GAK: variants seen among roughly 807,000 people sequenced by gnomAD.
GAK encodes the protein cyclin-G-associated kinase.
Under a neutral mutation model 143.9 loss-of-function variants are expected in GAK, and 79 were observed. The observed-to-expected ratio is 0.55, with a 90% CI of 0.46 to 0.66. The LOEUF is 0.66. Ranked by LOEUF, GAK falls within the 30% of genes least tolerant of loss-of-function variation. GAK has a pLI of 0.00. For synonymous variants in GAK, 881 were observed against 765.5 expected (o/e 1.15, Z -2.49); for missense variants, 1,693 against 1,779.7 (o/e 0.95, Z 0.88).
intron 11 of GAK, among the ~76,000 whole-genome samples, chr4:885,517 C>A (rs1716140222): frequency 2.0e-5 from 3 of 152,212 alleles, no homozygotes; most frequent in African/African-American, 7.2e-5. Context: ...ACCCCAGCAG[C>A]CCTGCGGGGG....
intron 22 of GAK, among the ~76,000 whole-genome samples, 175 bp downstream of exon 22, chr4:866,189 T>A (rs1298218665): frequency 6.6e-6 from 1 of 152,184 alleles, no homozygotes; most frequent in Non-Finnish European, 1.5e-5. Flanking sequence ...CAGGGAGCAG[T>A]CTGTCCTGAC....
chr4:881,781 G>T, intron 15 of GAK, 126 bp downstream of exon 15: 1 of 1,202,388 alleles, frequency 8.3e-7, no homozygotes, highest in Non-Finnish European at 1.1e-6. Context: ...CCGCGAGGCC[G>T]GGCCTGCCTT....
intron 1 of GAK, chr4:915,896 C>G (rs1184473882): frequency 6.6e-6 from 1 of 152,056 alleles, no homozygotes; most frequent in South Asian, 2.1e-4. Flanking sequence ...TAAAAGGCAT[C>G]CAGATGAAAA....
intron 7 of GAK, 116 bp downstream of exon 7, chr4:896,343 GA>G: frequency 1.3e-6 from 1 of 743,094 alleles, no homozygotes; most frequent in East Asian, 2.6e-5. Flanking sequence ...GACGGGAGGG[GA>G]AGAGGGGGTG....
At chr4:923,971 G>T (rs886306042) in intron 1 of GAK, among the ~76,000 whole-genome samples, 1 of 152,080 alleles carries the variant, frequency 6.6e-6, no homozygotes, top group African/African-American at 2.4e-5. Flanking sequence ...GGTGACCTGA[G>T]GTCAGGAGTT....
chr4:915,019 G>A (rs1159546350), intron 1 of GAK, among the ~76,000 whole-genome samples: 3 of 68,890 alleles, frequency 4.4e-5, no homozygotes, highest in Non-Finnish European at 8.0e-5. Context: ...CAGCGCACAC[G>A]GCCCCCAACA....
At chr4:918,543 C>T (rs907219711) in intron 1 of GAK, among the ~76,000 whole-genome samples, 1 of 152,222 alleles carries the variant, frequency 6.6e-6, no homozygotes, top group African/African-American at 2.4e-5. Flanking sequence ...GAAAAATGCC[C>T]CAAAACTGAC....
rs138890416 is a variant in GAK, at chr4:851,932, G to A, written c.3326C>T (p.Thr1109Met). ...GCTGCTGCCTTTGGGCGTGGTGGCC[G>A]TTTTGGGAATGAAGCCCCCAGGAGG... ...GFPPGGFIPK[T>M]ATTPKGSSSW... Residue 1109 changes from threonine (T) to methionine (M), a missense_variant, in exon 25 of 28, where the codon ACG becomes ATG. Coordinates refer to ENST00000314167, the MANE Select transcript of GAK (RefSeq NM_005255.4). 9.3e-5 allele frequency: 150 copies of A among 1,613,654 alleles called. 2 individuals are homozygous for A. In the African/African-American group the frequency reaches 1.6e-3, roughly 17 times the overall value.
At chr4:891,025 T>G (rs1717539216) in intron 9 of GAK, among the ~76,000 whole-genome samples, 1 of 151,462 alleles carries the variant, frequency 6.6e-6, no homozygotes, top group Non-Finnish European at 1.5e-5. Flanking sequence ...TGGCACGATC[T>G]CAGCTCACCG....
intron 13 of GAK, 78 bp downstream of exon 13, chr4:883,237 A>C: frequency 1.3e-6 from 2 of 1,535,480 alleles, no homozygotes; most frequent in Non-Finnish European, 1.8e-6. Context: ...ACCCTGGCCA[A>C]AGCCCTCAGC....
At chr4:881,243 C>A (rs758239973) in intron 15 of GAK, among the ~76,000 whole-genome samples, 29 of 152,230 alleles carry the variant, frequency 1.9e-4, no homozygotes, top group Non-Finnish European at 3.1e-4. Flanking sequence ...TGGGCCCTAA[C>A]CCTTGGGGCC....
Position 912,796 on chromosome 4 carries a change from T to G in GAK, c.208-2A>C. Reference sequence around the variant, plus strand: ...TTCCTCTTCATTGGATAATAGCCTCTGTATCAGGAAACAGCACACACAAAA... The same window carrying G: ...TTCCTCTTCATTGGATAATAGCCTCGGTATCAGGAAACAGCACACACAAAA... On this transcript the variant is annotated splice_acceptor_variant, in intron 2 of 27. Transcript: ENST00000314167. LOFTEE classifies it high-confidence loss of function. The G allele has an allele frequency of 1.9e-6, 3 of 1,612,778 alleles. No homozygotes were observed. The highest frequency in any genetic ancestry group is 2.5e-6 in the Non-Finnish European group (3 of 1,179,162).
intron 12 of GAK, among the ~76,000 whole-genome samples, 174 bp downstream of exon 12, chr4:883,863 G>C (rs1174740571): frequency 1.3e-5 from 2 of 152,236 alleles, no homozygotes; most frequent in East Asian, 3.8e-4. Context: ...GCTGCGCCTG[G>C]AGGTGCTGAG....
intron 15 of GAK, 130 bp downstream of exon 15, chr4:881,776 AG>A (rs1299975997): frequency 8.6e-7 from 1 of 1,157,122 alleles, no homozygotes; most frequent in Non-Finnish European, 1.2e-6. Context: ...TGGCTCCGCG[AG>A]GCCGGGCCTG....
Position 898,025 on chromosome 4 carries a change from C to G in GAK, c.651+8G>C, listed in dbSNP as rs777709984. 7 of 1,610,356 alleles carry G rather than the reference C, an allele frequency of 4.3e-6. No individual in the cohort carries two copies. The African/African-American group carries it at 8.0e-5, about 18-fold the overall frequency. On this transcript the variant is annotated splice_region_variant and intron_variant, in intron 6 of 27. Coordinates refer to ENST00000314167, the MANE Select transcript of GAK (RefSeq NM_005255.4). ...AGCTTCCCCCAGCATAGGCCCCACT[C>G]AGCTCACCTCTTCCTCCACCAGGGC... is the stretch of plus-strand genomic sequence containing the variant.
intron 24 of GAK, chr4:859,083 C>A: frequency 1.2e-6 from 1 of 810,258 alleles, no homozygotes; most frequent in Non-Finnish European, 1.5e-6. Flanking sequence ...AACCCAGAGA[C>A]CCAGGGGCAT....
chr4:877,915 T>A, intron 15 of GAK, 106 bp from the exon 16 acceptor site: 1 of 987,728 alleles, frequency 1.0e-6, no homozygotes, highest in Non-Finnish European at 1.5e-6. Flanking sequence ...ATTTCCCTTG[T>A]AGCAATGTTT....
intron 1 of GAK, among the ~76,000 whole-genome samples, chr4:918,969 GCCTCA>G (rs1723488070): frequency 1.3e-5 from 1 of 78,560 alleles, no homozygotes; most frequent in Non-Finnish European, 2.8e-5. Flanking sequence ...GGCTCCAAAG[GCCTCA>G]GTGCCCCATG....
At chr4:914,661 C>T (rs1722756324) in intron 1 of GAK, among the ~76,000 whole-genome samples, 1 of 129,552 alleles carries the variant, frequency 7.7e-6, no homozygotes, top group African/African-American at 3.0e-5. Context: ...CCCACACACA[C>T]AGCCCCAGCG....
Sources: gnomAD v4.1 joint callset for allele counts (sites outside exome capture counted in the v4.1 genomes callset) on GRCh38, gnomAD v4.1.1 for gene constraint, MANE v1.5 for transcripts, NCBI Gene and HGNC (gene_info 2026-07-23, HGNC 2026-07-21) for gene names.